NOS3: variants seen among roughly 807,000 people sequenced by gnomAD.
NOS3 encodes the protein nitric oxide synthase 3.
NOS3 carries 98 observed loss-of-function variants against 144.9 expected under a neutral mutation model. The observed-to-expected ratio is 0.68, with a 90% CI of 0.57 to 0.80. NOS3 has a LOEUF of 0.80. NOS3 is among the 30% of genes least tolerant of loss of function. The pLI is 0.00. For synonymous variants in NOS3, 714 were observed against 702.4 expected, an observed-to-expected ratio of 1.02 and a Z score of -0.26; for missense variants, 1,465 against 1,656.4, an observed-to-expected ratio of 0.88 and a Z score of 2.01.
Position 151,003,105 on chromosome 7 carries a change from C to T in NOS3, c.1752+801C>T. 1 of 446,196 alleles carries T rather than the reference C, an allele frequency of 2.2e-6. No individual in the cohort carries two copies. The highest frequency in any genetic ancestry group is 4.5e-6 in the Non-Finnish European group (1 of 223,962). 27.6% of individuals were successfully genotyped at this position (446,196 alleles called of 1,614,324 possible). On this transcript the variant is annotated intron_variant, in intron 14 of 26. Transcript: ENST00000297494. This position sits in a 1 kb window ranked among gnomAD's most constrained non-coding sequence, Gnocchi z 4.1. Reference sequence around the variant, plus strand: ...CTAGGTGTTAAAGGCCTTATTAGCACTAAGTACTTCCTCAGTACTCTTTTT... The same window carrying T: ...CTAGGTGTTAAAGGCCTTATTAGCATTAAGTACTTCCTCAGTACTCTTTTT...
chr7:151,012,743 A>C (rs1795333263), intron 24 of NOS3: 1 of 391,208 alleles, frequency 2.6e-6, no homozygotes, highest in Non-Finnish European at 4.7e-6. Flanking sequence ...GCTAAGACTC[A>C]AAGAAGAACT....
chr7:150,994,955 G>A (rs1348590895), intron 2 of NOS3, among the ~76,000 whole-genome samples: 1 of 152,154 alleles, frequency 6.6e-6, no homozygotes, highest in Non-Finnish European at 1.5e-5. Context: ...CGCTGCAGGT[G>A]GGATGCGAAC....
Position 150,998,570 on chromosome 7 carries a change from C to T in NOS3, c.706C>T (p.Pro236Ser). The change falls in exon 7 of 27, where the codon CCT becomes TCT. Residue 236 changes from proline (P) to serine (S), a missense_variant. This residue lies in a region of NOS3 where 374 missense variants were observed against 377.0 expected (regional missense o/e 0.99). Coordinates refer to ENST00000297494, the MANE Select transcript of NOS3 (RefSeq NM_000603.5). The surrounding 1 kb of genome is among the most constrained non-coding windows in gnomAD (Gnocchi z 5.0). ...SAITVFPQRC[P>S]GRGDFRIWNS... ...CATCACAGTGTTCCCGCAGCGCTGC[C>T]CTGGCCGAGGAGACTTCCGAATCTG... is the stretch of plus-strand genomic sequence containing the variant. The T allele has an allele frequency of 6.2e-7, 1 of 1,609,466 alleles. No individual in the cohort carries two copies. Among genetic ancestry groups the T allele is most frequent in the Non-Finnish European group, 8.5e-7 (1 of 1,178,812 alleles).
Position 151,001,533 on chromosome 7 carries a change from T to C in NOS3, c.1429-11T>C. On this transcript the variant is annotated splice_polypyrimidine_tract_variant and intron_variant, in intron 11 of 26. Coordinates refer to ENST00000297494, the MANE Select transcript of NOS3 (RefSeq NM_000603.5). ...TTTACCTCCCCTCCCAACCCCATCA[T>C]CTCTCTGCAGCCAGACCCCTGGAAG... 6.2e-7 allele frequency: 1 copy of C among 1,613,562 alleles called. No homozygotes were observed. Among genetic ancestry groups the C allele is most frequent in the Non-Finnish European group, 8.5e-7 (1 of 1,179,728 alleles).
chr7:151,010,255 A>G lies in NOS3; in HGVS notation c.2653A>G (p.Arg885Gly). 1 of 1,612,972 alleles carries G rather than the reference A, an allele frequency of 6.2e-7. No individual in the cohort carries two copies. The highest frequency in any genetic ancestry group is 8.5e-7 in the Non-Finnish European group (1 of 1,179,904). The part of the protein sequence containing the change: ...RLLSTLAEEP[R>G]EQQELEALSQ... The stretch of plus-strand genomic sequence containing the variant: ...GCTCAGCACCTTGGCAGAAGAGCCC[A>G]GGGAACAGCAGGAGCTGGAGGCCCT... Residue 885 changes from arginine to glycine, a missense_variant, in exon 21 of 27, where the codon AGG (arginine) becomes GGG (glycine). Coordinates refer to ENST00000297494, the MANE Select transcript of NOS3 (RefSeq NM_000603.5).
Position 151,001,293 on chromosome 7 carries a change from G to T in NOS3, c.1296G>T (p.Glu432Asp), listed in dbSNP as rs145811781. ...CGGCCTCTTTCATGAAGCACCTGGA[G>T]AATGAGCAGAAGGCCAGGGGGGGCT... is the stretch of plus-strand genomic sequence containing the variant. ...AATASFMKHL[E>D]NEQKARGGCP... Residue 432 changes from glutamate to aspartate, a missense_variant, in exon 11 of 27, where the codon GAG becomes GAT. By Grantham distance (45) the Glu-to-Asp change is conservative (BLOSUM62 2). This residue lies in a region of NOS3 where 745 missense variants were observed against 853.9 expected (regional missense o/e 0.87). Coordinates refer to ENST00000297494, the MANE Select transcript of NOS3 (RefSeq NM_000603.5). 4.3e-6 allele frequency: 7 copies of T among 1,613,734 alleles called. No individual in the cohort carries two copies. The highest frequency in any genetic ancestry group is 5.1e-6 in the Non-Finnish European group (6 of 1,179,964).
intron 23 of NOS3, chr7:151,012,099 G>A (rs1192707634): frequency 2.1e-5 from 9 of 438,904 alleles, no homozygotes; most frequent in Non-Finnish European, 3.3e-5. Flanking sequence ...CCCTTCCCAC[G>A]TTTTCTAAAT....
At position 150,996,569 on chromosome 7, in the gene NOS3, C is replaced by T. The variant is rs368647044; in HGVS notation, c.419+17C>T. ...CATTAAGAGGTGACAGCTTCCCGGA[C>T]GCCACAGCCTCCCTTGTCCCACTGA... On this transcript the variant is annotated intron_variant, in intron 4 of 26. Transcript: ENST00000297494. 1.2e-4 allele frequency: 190 copies of T among 1,580,728 alleles called. No individual in the cohort carries two copies. Among genetic ancestry groups the T allele is most frequent in the Non-Finnish European group, 1.5e-4 (173 of 1,162,906 alleles).
In NOS3 at chr7:151,001,862, C is replaced by T. The variant is rs1323257260; in HGVS notation, c.1544C>T (p.Ala515Val). 7 of 1,613,568 alleles carry T rather than the reference C, an allele frequency of 4.3e-6. No homozygotes were observed. Among genetic ancestry groups the T allele is most frequent in the South Asian group, 2.2e-5 (2 of 91,084 alleles). Residue 515 changes from alanine (A) to valine (V), a missense_variant, in exon 13 of 27, where the codon GCG becomes GTG. This residue lies in a region of NOS3 where 745 missense variants were observed against 853.9 expected (regional missense o/e 0.87). Transcript: ENST00000297494. ...GCCTCGCTCATGGGCACGGTGATGG[C>T]GAAGCGAGTGAAGGCGACAATCCTG... Reference protein sequence around the residue: ...ISASLMGTVMAKRVKATILYG... With the variant: ...ISASLMGTVMVKRVKATILYG...
Position 151,009,327 on chromosome 7 carries a change from C to T in NOS3, c.2324+60C>T, listed in dbSNP as rs1795255884. On this transcript the variant is annotated intron_variant, in intron 19 of 26. Transcript: ENST00000297494. ...GTCCTGAACACCCTGACCCTGGACC[C>T]TCCTCCTCCCACATTCTCCCGCCCC... The T allele has an allele frequency of 1.0e-5, 13 of 1,294,080 alleles. No homozygotes were observed. In the Admixed American group the frequency reaches 1.8e-4, roughly 18 times the overall value. The allele number at this position is 1,294,080 out of a possible 1,614,324, so 80.2% of individuals were successfully genotyped here. A position where few individuals can be genotyped will look rare whatever the true frequency, so the allele number is the denominator to read the frequency against.
At chr7:150,997,390 A>G (rs929884375) in intron 5 of NOS3, among the ~76,000 whole-genome samples, 16 of 152,096 alleles carry the variant, frequency 1.1e-4, no homozygotes, top group Non-Finnish European at 2.2e-4. Flanking sequence ...TTCTCCCCCA[A>G]GAGAGAAGGC....
At chr7:150,994,603 AGGCCTGGTGGGGTGCCAGGCCGG>A (rs911421475) in intron 2 of NOS3, among the ~76,000 whole-genome samples, 1 of 152,146 alleles carries the variant, frequency 6.6e-6, no homozygotes, top group African/African-American at 2.4e-5. Flanking sequence ...AAAGACCCGG[AGGCCTGGTGGGGTGCCAGGCCGG>A]GGGCAGGCTG....
intron 23 of NOS3, among the ~76,000 whole-genome samples, chr7:151,011,548 C>A (rs1795304682): frequency 7.3e-6 from 1 of 137,092 alleles, no homozygotes; most frequent in South Asian, 2.7e-4. Context: ...GGAGGTGGAG[C>A]TTGCAGTGAG....
At chr7:151,013,613 C>A in intron 25 of NOS3, 111 bp from the exon 26 acceptor site, 1 of 1,122,008 alleles carries the variant, frequency 8.9e-7, no homozygotes, top group Non-Finnish European at 1.2e-6. Context: ...GGCACGCAGG[C>A]CCCACCAGGC....
At chr7:150,999,621 TGTG>T (rs556533384) in intron 9 of NOS3, among the ~76,000 whole-genome samples, 4 of 145,702 alleles carry the variant, frequency 2.7e-5, no homozygotes, top group African/African-American at 5.1e-5. Context: ...AGTGTGGGCT[TGTG>T]GGGTGTGTAG....
chr7:150,994,691 C>T (rs769213655), intron 2 of NOS3, among the ~76,000 whole-genome samples: 3 of 152,164 alleles, frequency 2.0e-5, no homozygotes, highest in Non-Finnish European at 4.4e-5. Flanking sequence ...GCTGCTCAGG[C>T]GCACCCTTGG....
intron 12 of NOS3, 83 bp from the exon 13 acceptor site, chr7:151,001,738 C>T: frequency 6.3e-7 from 1 of 1,592,268 alleles, no homozygotes; most frequent in East Asian, 2.2e-5. Flanking sequence ...TCCCAAAACC[C>T]TGTTGTGAGG....
chr7:151,010,529 G>A, intron 21 of NOS3, 68 bp from the exon 22 acceptor site: 1 of 1,418,018 alleles, frequency 7.1e-7, no homozygotes, highest in Non-Finnish European at 9.5e-7. Context: ...CAGTGGGGGA[G>A]GGGTCAAGAA....
intron 24 of NOS3, chr7:151,012,904 T>C (rs1309381711): frequency 7.6e-6 from 3 of 394,942 alleles, no homozygotes; most frequent in Non-Finnish European, 1.4e-5. Context: ...GTTATAAGTA[T>C]GGGAGAATAT....
Sources: allele counts gnomAD v4.1 joint callset (sites outside exome capture counted in the v4.1 genomes callset), GRCh38; gene constraint gnomAD v4.1.1; regional missense constraint gnomAD v4.1.1; non-coding constraint Gnocchi (gnomAD v3.1); transcripts MANE v1.5; gene names NCBI Gene and HGNC (gene_info 2026-07-23, HGNC 2026-07-21).